Variants in KIAA1217 observed in about 807,000 individuals in gnomAD.
The protein encoded by KIAA1217 is sickle tail protein homolog.
In KIAA1217, 88 loss-of-function variants were observed where a neutral mutation model predicts 163.9. The ratio of observed to expected loss-of-function variants is 0.54; its 90% confidence interval spans 0.45 to 0.64. The LOEUF is 0.64. KIAA1217 is among the 30% of genes least tolerant of loss of function. The pLI is 0.00. For synonymous variants in KIAA1217, 903 were observed against 923.1 expected (o/e 0.98, Z 0.39); for missense variants, 2,372 against 2,475.0 (o/e 0.96, Z 0.88).
At chr10:24,437,925 A>AG (rs2060194661) in intron 4 of KIAA1217, among the ~76,000 whole-genome samples, 2 of 145,584 alleles carry the variant, frequency 1.4e-5, no homozygotes, top group Non-Finnish European at 3.0e-5. Flanking sequence ...AAAAAAAAAA[A>AG]GAAAAAGAAA....
rs1014732253 is a variant in KIAA1217 at position 24,496,991 on chromosome 10, A to G, written c.1834+1795A>G. On this transcript the variant is annotated intron_variant, in intron 8 of 20. Coordinates refer to ENST00000376454, the MANE Select transcript of KIAA1217 (RefSeq NM_019590.5). ...ATTTGCAACGCCACTGGCAATGAGC[A>G]CGTGGACTCACTCCCCACGTCTCTG... Among the ~76,000 whole-genome samples, 8 of 152,360 alleles carry G rather than the reference A, an allele frequency of 5.3e-5. No individual in the cohort carries two copies. In the East Asian group the frequency reaches 1.5e-3, roughly 29 times the overall value.
chr10:23,841,441 A>G (rs1022129617), intron 1 of KIAA1217, among the ~76,000 whole-genome samples: 2 of 152,192 alleles, frequency 1.3e-5, no homozygotes, highest in African/African-American at 4.8e-5. Context: ...GTACCAAAAT[A>G]ATTGATGCAT....
chr10:24,090,526 T>C (rs1335360294), intron 2 of KIAA1217, among the ~76,000 whole-genome samples: 2 of 151,330 alleles, frequency 1.3e-5, no homozygotes, highest in African/African-American at 2.5e-5. Flanking sequence ...CTTTCCTTTC[T>C]GTGCTCCCAA....
intron 17 of KIAA1217, among the ~76,000 whole-genome samples, chr10:24,540,302 C>T (rs1247181670): frequency 6.6e-6 from 1 of 152,198 alleles, no homozygotes; most frequent in African/African-American, 2.4e-5. Context: ...GGTGCAATCT[C>T]AACTCACTGC....
chr10:23,888,484 C>A (rs1365535605), intron 1 of KIAA1217, among the ~76,000 whole-genome samples: 1 of 151,786 alleles, frequency 6.6e-6, no homozygotes, highest in Admixed American at 6.6e-5. Context: ...AATTTAGGGT[C>A]AATATTTTGT....
intron 1 of KIAA1217, among the ~76,000 whole-genome samples, chr10:23,988,114 G>GCAGTACC (rs11280550): frequency 0.41 from 62,597 of 151,626 alleles, 15,188 homozygotes; most frequent in African/African-American, 0.69. Flanking sequence ...AGGCTGTCCA[G>GCAGTACC]CACTCCCTTG....
chr10:23,948,709 G>A (rs943305406), intron 1 of KIAA1217, among the ~76,000 whole-genome samples: 9 of 152,120 alleles, frequency 5.9e-5, no homozygotes, highest in African/African-American at 1.9e-4. Flanking sequence ...GTTTACAAAT[G>A]TATCCCACAT....
At chr10:24,440,811 A>G (rs1289936385) in intron 5 of KIAA1217, among the ~76,000 whole-genome samples, 1 of 152,252 alleles carries the variant, frequency 6.6e-6, no homozygotes, top group East Asian at 1.9e-4. Flanking sequence ...CAGATTACTT[A>G]GAAATGAGAA....
chr10:23,776,545 T>A (rs144696364), intron 1 of KIAA1217, among the ~76,000 whole-genome samples: 1 of 151,492 alleles, frequency 6.6e-6, no homozygotes, highest in East Asian at 1.9e-4. Flanking sequence ...GGCTATAATC[T>A]CAATAAAATA....
intron 1 of KIAA1217, among the ~76,000 whole-genome samples, chr10:23,835,897 C>T (rs1416341736): frequency 6.6e-6 from 1 of 152,100 alleles, no homozygotes; most frequent in Non-Finnish European, 1.5e-5. Flanking sequence ...GTTTTTTAAG[C>T]TCCTCCTGGG....
At chr10:24,338,091 C>G (rs1250626147) in intron 2 of KIAA1217, among the ~76,000 whole-genome samples, 1 of 152,198 alleles carries the variant, frequency 6.6e-6, no homozygotes, top group Non-Finnish European at 1.5e-5. Flanking sequence ...CAGCATGAGT[C>G]TCAATGTCCC....
intron 1 of KIAA1217, among the ~76,000 whole-genome samples, chr10:23,850,922 TCA>T (rs1473287838): frequency 6.6e-6 from 1 of 151,970 alleles, no homozygotes; most frequent in Non-Finnish European, 1.5e-5. Flanking sequence ...TCGTGAGAAC[TCA>T]CTATCAATGA....
At chr10:24,067,894 G>A (rs1210173050) in intron 2 of KIAA1217, among the ~76,000 whole-genome samples, 2 of 152,146 alleles carry the variant, frequency 1.3e-5, no homozygotes. Flanking sequence ...ATCTCAGACT[G>A]CTGTGCTAGC....
chr10:24,317,455 A>G (rs1175899211), intron 2 of KIAA1217, among the ~76,000 whole-genome samples: 1 of 152,062 alleles, frequency 6.6e-6, no homozygotes, highest in African/African-American at 2.4e-5. Flanking sequence ...ACACAGGTGA[A>G]AGCCATTACC....
chr10:23,951,428 C>A (rs1321199363), intron 1 of KIAA1217, among the ~76,000 whole-genome samples: 1 of 152,132 alleles, frequency 6.6e-6, no homozygotes. Context: ...CTGAGGTGGG[C>A]AGATTGCTTG....
At chr10:23,824,942 T>G (rs114640096) in intron 1 of KIAA1217, among the ~76,000 whole-genome samples, 204 of 152,218 alleles carry the variant, frequency 1.3e-3, no homozygotes, top group African/African-American at 4.8e-3. Flanking sequence ...AATCCTTCCT[T>G]AATATGGCTC....
At chr10:24,148,262 A>G (rs1174377359) in intron 2 of KIAA1217, among the ~76,000 whole-genome samples, 2 of 152,158 alleles carry the variant, frequency 1.3e-5, no homozygotes, top group Non-Finnish European at 2.9e-5. Context: ...TAGAACACTT[A>G]TGTAGTATTA....
At chr10:23,703,131 G>A (rs893534426) in intron 1 of KIAA1217, among the ~76,000 whole-genome samples, 1 of 152,092 alleles carries the variant, frequency 6.6e-6, no homozygotes, top group Admixed American at 6.5e-5. Flanking sequence ...GTTTTCACCT[G>A]CTATAGTCCT....
intron 2 of KIAA1217, among the ~76,000 whole-genome samples, chr10:24,190,644 T>C (rs1041806255): frequency 1.3e-5 from 2 of 152,008 alleles, no homozygotes; most frequent in African/African-American, 2.4e-5. Context: ...TATCTAGGAG[T>C]TCCAGAATTA....
Sources: gnomAD v4.1 joint callset for allele counts (sites outside exome capture counted in the v4.1 genomes callset) on GRCh38, gnomAD v4.1.1 for gene constraint, MANE v1.5 for transcripts, NCBI Gene and HGNC (gene_info 2026-07-23, HGNC 2026-07-21) for gene names.